The following SEMA4B variants were observed in gnomAD, a reference collection of about 807,000 sequenced individuals.
The protein encoded by SEMA4B is semaphorin 4B.
In SEMA4B, 55 loss-of-function variants were observed where a neutral mutation model predicts 88.1. The ratio of observed to expected loss-of-function variants is 0.62; its 90% CI spans 0.50 to 0.78. The LOEUF is 0.78. SEMA4B is among the 30% of genes least tolerant of loss of function. SEMA4B has a pLI of 0.00. For synonymous variants in SEMA4B, 525 were observed against 473.6 expected (o/e 1.11, Z -1.41); for missense variants, 1,062 against 1,111.9 (o/e 0.96, Z 0.64).
chr15:90,216,325 AT>A (rs1262734258), intron 1 of SEMA4B, among the ~76,000 whole-genome samples: 1 of 152,038 alleles, frequency 6.6e-6, no homozygotes, highest in Middle Eastern at 3.2e-3. Context: ...GCTTATTTGA[AT>A]TCCTAACTTT....
rs77583305 is a variant in SEMA4B at position 90,202,252 on chromosome 15, A to G, written c.157+517A>G. Among the ~76,000 whole-genome samples the G allele has an allele frequency of 4.0e-3, 607 of 152,278 alleles. 3 individuals carry two copies. Among genetic ancestry groups the G allele is most frequent in the African/African-American group, 0.013 (556 of 41,528 alleles). Reference sequence around the variant, plus strand: ...TGCCAGTGCAGCCCCAAGCCCCAGCATGGAGAGACCTCCAGGCCCTGGGAG... The same window carrying G: ...TGCCAGTGCAGCCCCAAGCCCCAGCGTGGAGAGACCTCCAGGCCCTGGGAG... On this transcript the variant is annotated intron_variant, in intron 1 of 13. Transcript: ENST00000411539.
upstream of SEMA4B, among the ~76,000 whole-genome samples, chr15:90,197,481 A>G (rs946672167): frequency 6.6e-6 from 1 of 151,388 alleles, no homozygotes; most frequent in Non-Finnish European, 1.5e-5. Flanking sequence ...TCTGTCCCCC[A>G]GGCTGGAGTG....
intron 7 of SEMA4B, 92 bp from the exon 8 acceptor site, chr15:90,223,467 C>T (rs749831877): frequency 2.0e-5 from 24 of 1,187,752 alleles, no homozygotes; most frequent in Non-Finnish European, 2.6e-5. Context: ...GTCCTGGTGT[C>T]TGGGGTGGGT....
chr15:90,222,381 C>T (rs983290910), intron 7 of SEMA4B, among the ~76,000 whole-genome samples: 1 of 150,840 alleles, frequency 6.6e-6, no homozygotes, highest in African/African-American at 2.4e-5. Flanking sequence ...ACCAACCTGG[C>T]CAACATGGTA....
intron 12 of SEMA4B, chr15:90,227,213 A>C: frequency 4.1e-6 from 1 of 243,238 alleles, no homozygotes; most frequent in Non-Finnish European, 8.1e-6. Context: ...ATGCCTGGCT[A>C]ATTTTTCTAT....
Position 90,201,599 on chromosome 15 carries a change from C to T in SEMA4B, c.21C>T (p.Gly7=), listed in dbSNP as rs1052553359. Residue 7 remains glycine (G), a synonymous_variant, in exon 1 of 14, where the codon GGC becomes GGT. Coordinates refer to ENST00000411539, the MANE Select transcript of SEMA4B (RefSeq NM_198925.4). ...TCCGAATGCTGCGCACCGCGATGGG[C>T]CTGAGGAGCTGGCTCGCCGCCCCAT... MLRTAM[G]LRSWLAAPWG... 4 of 1,517,190 alleles carry T rather than the reference C, an allele frequency of 2.6e-6. No individual in the cohort carries two copies. Among genetic ancestry groups the T allele is most frequent in the Middle Eastern group, 2.2e-4 (1 of 4,580 alleles). The allele number at this position is 1,517,190 out of a possible 1,614,324, so 94.0% of individuals were successfully genotyped here.
chr15:90,208,615 A>G (rs995912004), intron 1 of SEMA4B, among the ~76,000 whole-genome samples: 6 of 152,226 alleles, frequency 3.9e-5, no homozygotes, highest in Non-Finnish European at 8.8e-5. Flanking sequence ...GGGGTTGCAC[A>G]GTGGGTCAGT....
chr15:90,188,308 A>G (rs1183535404), intron 1 of SEMA4B, among the ~76,000 whole-genome samples: 1 of 152,016 alleles, frequency 6.6e-6, no homozygotes, highest in Non-Finnish European at 1.5e-5. Flanking sequence ...TGGGTGGCAC[A>G]GTGAGACACT....
At chr15:90,192,691 A>G (rs1960379967) in intron 1 of SEMA4B, among the ~76,000 whole-genome samples, 1 of 149,182 alleles carries the variant, frequency 6.7e-6, no homozygotes, top group South Asian at 2.1e-4. Context: ...CCTGGGTTCA[A>G]GCAATTCTCC....
Position 90,225,063 on chromosome 15 carries a change from CG to C in SEMA4B, c.1293del (p.Gln432ArgfsTer46). 1 of 1,613,848 alleles carries C rather than the reference CG, an allele frequency of 6.2e-7. No individual in the cohort carries two copies. Among genetic ancestry groups the C allele is most frequent in the Non-Finnish European group, 8.5e-7 (1 of 1,179,816 alleles). ...TCCTCAAGGACCACTTCCTGATGGA[CG>C]GGCAGGTCCGAAGCCGCATGCTGCT... ...NFLKDHFLMDGQVRSRMLLLQ... is the reference protein window; with the variant it reads ...NFLKDHFLMDXQVRSRMLLLQ... On this transcript the variant is annotated frameshift_variant, in exon 10 of 14. Coordinates refer to ENST00000411539, the MANE Select transcript of SEMA4B (RefSeq NM_198925.4). LOFTEE classifies it high-confidence loss of function.
At chr15:90,186,320 T>C (rs1960164964) in intron 1 of SEMA4B, among the ~76,000 whole-genome samples, 1 of 152,064 alleles carries the variant, frequency 6.6e-6, no homozygotes. Flanking sequence ...TGACAGGTAA[T>C]CTCCATATGG....
intron 1 of SEMA4B, among the ~76,000 whole-genome samples, chr15:90,208,090 C>T (rs1175610558): frequency 1.3e-5 from 2 of 152,026 alleles, no homozygotes; most frequent in African/African-American, 2.4e-5. Context: ...CCCATCTCTA[C>T]TAAAAATAGA....
At chr15:90,225,427 G>A (rs1480173694) in intron 11 of SEMA4B, 30 bp downstream of exon 11, 1 of 1,539,146 alleles carries the variant, frequency 6.5e-7, no homozygotes. Flanking sequence ...ATCCTGGCAG[G>A]GTACTTGGGG....
chr15:90,206,308 C>G (rs1218697329), intron 1 of SEMA4B, among the ~76,000 whole-genome samples: 3 of 152,158 alleles, frequency 2.0e-5, no homozygotes, highest in Non-Finnish European at 4.4e-5. Flanking sequence ...CTCCTGTGGT[C>G]GAGGCCTGCC....
upstream of SEMA4B, among the ~76,000 whole-genome samples, chr15:90,198,490 C>T (rs1453014029): frequency 3.9e-5 from 6 of 152,102 alleles, no homozygotes; most frequent in East Asian, 1.9e-4. Context: ...ACTAATATAT[C>T]GTATGTTATT....
intron 9 of SEMA4B, 146 bp from the exon 10 acceptor site, chr15:90,224,822 A>T (rs1962054793): frequency 4.3e-6 from 3 of 693,302 alleles, no homozygotes; most frequent in Non-Finnish European, 7.7e-6. Context: ...AGATGTGCAC[A>T]CTGGCTCTGT....
At chr15:90,193,132 C>T (rs960497313) in intron 1 of SEMA4B, 1 of 152,366 alleles carries the variant, frequency 6.6e-6, no homozygotes, top group Non-Finnish European at 1.5e-5. Flanking sequence ...TTCCAAGCTG[C>T]CTCCTGAGCT....
chr15:90,219,669 TGA>T, intron 3 of SEMA4B, 122 bp from the exon 4 acceptor site: 1 of 673,526 alleles, frequency 1.5e-6, no homozygotes, highest in East Asian at 2.7e-5. Flanking sequence ...TTCCTAGACT[TGA>T]GTGCCCCATC....
intron 1 of SEMA4B, among the ~76,000 whole-genome samples, chr15:90,213,102 G>A (rs1276835179): frequency 6.6e-6 from 1 of 152,240 alleles, no homozygotes; most frequent in East Asian, 1.9e-4. Context: ...CTCAGTAAAT[G>A]TGGGTTATTA....
Sources: gnomAD v4.1 joint callset for allele counts (sites outside exome capture counted in the v4.1 genomes callset) on GRCh38, gnomAD v4.1.1 for gene constraint, MANE v1.5 for transcripts, NCBI Gene and HGNC (gene_info 2026-07-23, HGNC 2026-07-21) for gene names.